FUBP3: variants seen among roughly 807,000 people sequenced by gnomAD.
FUBP3 encodes the protein far upstream element binding protein 3.
In FUBP3, 28 loss-of-function variants were observed where a neutral mutation model predicts 85.6. That is an observed-to-expected ratio of 0.33 (90% CI 0.24 to 0.45). The LOEUF is 0.45. Among genes scored for constraint, FUBP3 ranks in the 20% least tolerant of loss-of-function variants. The pLI, the probability that FUBP3 is intolerant of heterozygous loss-of-function variation, is 1.00. For missense variants in FUBP3, 583 were observed against 755.1 expected, an observed-to-expected ratio of 0.77 and a Z score of 2.67; for synonymous variants, 271 against 271.4, an observed-to-expected ratio of 1.00 and a Z score of 0.01.
chr9:130,588,087 T>C (rs1193697347), intron 1 of FUBP3, among the ~76,000 whole-genome samples: 1 of 152,172 alleles, frequency 6.6e-6, no homozygotes, highest in Non-Finnish European at 1.5e-5. Context: ...CGAGCCCATG[T>C]TGTGCTGGGT....
chr9:130,607,608 T>A (rs1233006404), intron 2 of FUBP3, among the ~76,000 whole-genome samples: 1 of 152,160 alleles, frequency 6.6e-6, no homozygotes, highest in African/African-American at 2.4e-5. Flanking sequence ...CCCTCCTCAT[T>A]GCGAAGACTG....
intron 3 of FUBP3, among the ~76,000 whole-genome samples, chr9:130,611,827 T>A (rs1220010296): frequency 1.3e-5 from 2 of 150,242 alleles, no homozygotes; most frequent in Admixed American, 1.3e-4. Flanking sequence ...AGGCACATAA[T>A]GGATGGGATA....
chr9:130,615,308 C>T (rs1831946242), intron 6 of FUBP3, among the ~76,000 whole-genome samples: 1 of 152,222 alleles, frequency 6.6e-6, no homozygotes, highest in Non-Finnish European at 1.5e-5. Flanking sequence ...CACAAAGGCT[C>T]AAGACTACAA....
At chr9:130,584,321 A>G (rs941881034) in intron 1 of FUBP3, among the ~76,000 whole-genome samples, 38 of 152,010 alleles carry the variant, frequency 2.5e-4, no homozygotes, top group Middle Eastern at 3.4e-3. Context: ...TGAACTCAGG[A>G]GTTCGAGACC....
intron 8 of FUBP3, among the ~76,000 whole-genome samples, chr9:130,618,489 C>T (rs1457172540): frequency 6.6e-6 from 1 of 152,248 alleles, no homozygotes; most frequent in Admixed American, 6.5e-5. Context: ...GCGGGACAGC[C>T]CCGCTGGCTG....
At chr9:130,601,875 C>T (rs142674493) in intron 2 of FUBP3, among the ~76,000 whole-genome samples, 1 of 135,710 alleles carries the variant, frequency 7.4e-6, no homozygotes, top group Non-Finnish European at 1.5e-5. Context: ...GATCTTGGCT[C>T]ACTGCAACCT....
At chr9:130,632,139 A>G in intron 15 of FUBP3, 63 bp from the exon 16 acceptor site, 1 of 1,488,706 alleles carries the variant, frequency 6.7e-7, no homozygotes, top group Non-Finnish European at 9.4e-7. Context: ...TGAGCAGTGA[A>G]GAGGGAGACG....
chr9:130,606,009 T>C (rs1019470603), intron 2 of FUBP3, among the ~76,000 whole-genome samples: 4 of 151,792 alleles, frequency 2.6e-5, no homozygotes, highest in African/African-American at 9.7e-5. Context: ...CAAAAAAGAG[T>C]GACATTATTG....
rs1408431431 is a variant in FUBP3, at chr9:130,638,056, T to C, written c.*1034T>C. On this transcript the variant is annotated 3_prime_UTR_variant, in exon 19 of 19. Transcript: ENST00000319725. Reference sequence around the variant, plus strand: ...ATGATTTCCAGTGTTTACTGTAGTGTATCTTGTACAGATAACATGTATTTT... The same window carrying C: ...ATGATTTCCAGTGTTTACTGTAGTGCATCTTGTACAGATAACATGTATTTT... The C allele has an allele frequency of 6.5e-6, 1 of 152,680 alleles. No homozygotes were observed. Among genetic ancestry groups the C allele is most frequent in the Admixed American group, 6.5e-5 (1 of 15,288 alleles). The allele number at this position is 152,680 out of a possible 1,614,324, so 9.5% of individuals were successfully genotyped here.
At chr9:130,614,493 G>T in intron 6 of FUBP3, 148 bp downstream of exon 6, 1 of 566,382 alleles carries the variant, frequency 1.8e-6, no homozygotes, top group Non-Finnish European at 3.2e-6. Flanking sequence ...AAAAATCTGG[G>T]AGGTTACTGT....
chr9:130,589,675 GTATA>G lies in FUBP3; in HGVS notation c.85-5780_85-5777del, dbSNP rs1170568300. On this transcript the variant is annotated intron_variant, in intron 1 of 18. Transcript: ENST00000319725. ...ATTTTAAATATGTATGTATGTGTGT[GTATA>G]TATATATATATATATATATATATAT... is the stretch of plus-strand genomic sequence containing the variant. Among the ~76,000 whole-genome samples, 211 of 34,204 alleles carry G rather than the reference GTATA, an allele frequency of 6.2e-3. 1 individual carries two copies. Among genetic ancestry groups the G allele is most frequent in the East Asian group, 0.022 (19 of 868 alleles). The allele number at this position is 34,204 out of a possible 152,430, so 22.4% of individuals were successfully genotyped here.
At chr9:130,630,387 G>C (rs1483444000) in intron 12 of FUBP3, among the ~76,000 whole-genome samples, 2 of 152,228 alleles carry the variant, frequency 1.3e-5, no homozygotes, top group Non-Finnish European at 2.9e-5. Context: ...GGCATCTGTG[G>C]CCTCAGCTTG....
At chr9:130,599,464 G>GGATTTGGGTTA (rs1393448796) in intron 2 of FUBP3, among the ~76,000 whole-genome samples, 42 of 151,780 alleles carry the variant, frequency 2.8e-4, no homozygotes, top group African/African-American at 1.0e-3. Context: ...ATATAGAAAG[G>GGATTTGGGTTA]GATTTGGGTT....
chr9:130,630,910 G>T, intron 13 of FUBP3, 122 bp downstream of exon 13: 1 of 759,678 alleles, frequency 1.3e-6, no homozygotes, highest in Non-Finnish European at 1.9e-6. Flanking sequence ...CATCACACGA[G>T]GGCAAGCCCC....
At chr9:130,631,290 G>A (rs1290575015) in intron 13 of FUBP3, 2 of 1,359,192 alleles carry the variant, frequency 1.5e-6, no homozygotes, top group African/African-American at 1.5e-5. Flanking sequence ...GGAGAGTCAA[G>A]CAGGTTGGTC....
At chr9:130,592,701 G>C (rs919463126) in intron 1 of FUBP3, among the ~76,000 whole-genome samples, 1 of 151,838 alleles carries the variant, frequency 6.6e-6, no homozygotes, top group Non-Finnish European at 1.5e-5. Flanking sequence ...GCACCACCAC[G>C]CACAGCTACT....
chr9:130,618,289 T>C (rs1419979192), intron 8 of FUBP3, among the ~76,000 whole-genome samples: 1 of 152,132 alleles, frequency 6.6e-6, no homozygotes, highest in Non-Finnish European at 1.5e-5. Flanking sequence ...TCCTTCCAGG[T>C]GCAGTTTTGA....
At chr9:130,613,078 C>A in intron 5 of FUBP3, 51 bp downstream of exon 5, 1 of 1,148,110 alleles carries the variant, frequency 8.7e-7, no homozygotes, top group Non-Finnish European at 1.3e-6. Context: ...CAGTATTTTG[C>A]AAAACTTTCC....
At chr9:130,628,106 A>ACACACACACGCG (rs1554745963) in intron 12 of FUBP3, among the ~76,000 whole-genome samples, 1 of 39,560 alleles carries the variant, frequency 2.5e-5, no homozygotes, top group Non-Finnish European at 4.8e-5. Flanking sequence ...ACGCACGCGC[A>ACACACACACGCG]CACACACACA....
Sources: allele counts gnomAD v4.1 joint callset (sites outside exome capture counted in the v4.1 genomes callset), GRCh38; gene constraint gnomAD v4.1.1; transcripts MANE v1.5; gene names NCBI Gene and HGNC (gene_info 2026-07-23, HGNC 2026-07-21).